Variants in FOXN3 observed in about 807,000 individuals in gnomAD.
FOXN3 encodes the protein forkhead box N3, also known as forkhead box protein N3.
A neutral mutation model predicts 38.4 loss-of-function variants in FOXN3; 7 were observed. That is an observed-to-expected ratio of 0.18 (90% CI 0.10 to 0.34). The LOEUF (loss-of-function observed/expected upper bound fraction) is 0.34, where lower values mean the gene tolerates loss of function less well. Among genes scored for constraint, FOXN3 ranks in the 10% least tolerant of loss-of-function variants. The probability of loss-of-function intolerance (pLI) is 1.00; values close to 1 mark genes in which losing one functional copy is unlikely to be tolerated. For synonymous variants in FOXN3, 230 were observed against 242.2 expected, an observed-to-expected ratio of 0.95 and a Z score of 0.47; for missense variants, 456 against 613.4, an observed-to-expected ratio of 0.74 and a Z score of 2.71.
intron 2 of FOXN3, among the ~76,000 whole-genome samples, chr14:89,392,637 C>CTTTT (rs71130072): frequency 1.3e-4 from 15 of 119,300 alleles, no homozygotes; most frequent in East Asian, 2.6e-4. Flanking sequence ...TGTGTCTCGT[C>CTTTT]TTTTTTTTTT....
intron 1 of FOXN3, among the ~76,000 whole-genome samples, chr14:89,539,873 C>G (rs1894762520): frequency 6.6e-6 from 1 of 152,110 alleles, no homozygotes; most frequent in Non-Finnish European, 1.5e-5. Flanking sequence ...GCTTGAAAAA[C>G]TAGACATAGG....
At chr14:89,207,240 A>C (rs1338031917) in intron 4 of FOXN3, among the ~76,000 whole-genome samples, 1 of 152,122 alleles carries the variant, frequency 6.6e-6, no homozygotes, top group Admixed American at 6.6e-5. Flanking sequence ...AAAATAAAGC[A>C]AAACAAAACA....
At chr14:89,181,581 T>A (rs1887676308) in intron 4 of FOXN3, among the ~76,000 whole-genome samples, 1 of 152,146 alleles carries the variant, frequency 6.6e-6, no homozygotes, top group Admixed American at 6.5e-5. Flanking sequence ...TCGCTCCTCA[T>A]CCCACCTTCT....
chr14:89,571,493 A>T (rs1330232408), intron 1 of FOXN3, among the ~76,000 whole-genome samples: 1 of 150,192 alleles, frequency 6.7e-6, no homozygotes, highest in East Asian at 2.0e-4. Flanking sequence ...TGGGCAGGAG[A>T]GTGAGACTCT....
intron 1 of FOXN3, among the ~76,000 whole-genome samples, chr14:89,550,935 A>C (rs1596314829): frequency 6.6e-6 from 1 of 152,214 alleles, no homozygotes; most frequent in East Asian, 1.9e-4. Context: ...CTCTGCAGAC[A>C]CGCAGGGAAG....
At chr14:89,328,480 G>T (rs1240744744) in intron 3 of FOXN3, among the ~76,000 whole-genome samples, 1 of 151,798 alleles carries the variant, frequency 6.6e-6, no homozygotes, top group Non-Finnish European at 1.5e-5. Flanking sequence ...TGGGTGAAGA[G>T]ACATTCCCAA....
intron 3 of FOXN3, among the ~76,000 whole-genome samples, chr14:89,322,038 C>T (rs1325344156): frequency 1.3e-5 from 2 of 152,214 alleles, no homozygotes; most frequent in Non-Finnish European, 2.9e-5. Context: ...CCTGATACTG[C>T]AACCCTCTTT....
chr14:89,180,925 G>GAGAC lies in FOXN3; in HGVS notation c.746-120_746-119insGTCT, dbSNP rs1211372787. On this transcript the variant is annotated intron_variant, in intron 4 of 5. Coordinates refer to ENST00000557258, the MANE Select transcript of FOXN3 (RefSeq NM_005197.4). Reference sequence around the variant, plus strand: ...GAGAGAGAGACAGAGGGCAGAGACAGAGAGAAACACACACACACACGTGCA... The same window carrying GAGAC: ...GAGAGAGAGACAGAGGGCAGAGACAGAGACAGAGAAACACACACACACACGTGCA... 32 of 495,416 alleles carry GAGAC rather than the reference G, an allele frequency of 6.5e-5. No individual in the cohort carries two copies. The South Asian group carries it at 7.2e-4, about 11-fold the overall frequency. The allele number at this position is 495,416 out of a possible 1,614,324, so 30.7% of individuals were successfully genotyped here.
At chr14:89,199,158 A>G (rs79000380) in intron 4 of FOXN3, among the ~76,000 whole-genome samples, 1 of 152,264 alleles carries the variant, frequency 6.6e-6, no homozygotes, top group African/African-American at 2.4e-5. Flanking sequence ...GCTGAAGGTT[A>G]TTGAGAAAGA....
At chr14:89,432,100 G>A (rs189926515) in intron 1 of FOXN3, among the ~76,000 whole-genome samples, 4 of 152,256 alleles carry the variant, frequency 2.6e-5, no homozygotes, top group Middle Eastern at 3.4e-3. Flanking sequence ...AAAGAACATC[G>A]CATTGCAGTC....
At chr14:89,177,404 CCT>C (rs1670750199) in intron 5 of FOXN3, among the ~76,000 whole-genome samples, 1 of 152,152 alleles carries the variant, frequency 6.6e-6, no homozygotes, top group South Asian at 2.1e-4. Context: ...GTTCAAAACT[CCT>C]ATGATGCTCA....
At position 89,416,965 on chromosome 14, in the gene FOXN3, G is replaced by A. The variant is rs1421168527; in HGVS notation, c.-109C>T. 4 of 149,008 alleles carry A rather than the reference G, an allele frequency of 2.7e-5. No homozygotes were observed. The highest frequency in any genetic ancestry group is 6.0e-5 in the Non-Finnish European group (4 of 66,996). 9.2% of individuals were successfully genotyped at this position (149,008 alleles called of 1,614,324 possible). ...GGCGCCCGGCGGGCATCGCTCGGTG[G>A]CCCCGCTAAGGACGCGCGGGCGCGG... On this transcript the variant is annotated 5_prime_UTR_variant, in exon 1 of 6. Coordinates refer to ENST00000557258, the MANE Select transcript of FOXN3 (RefSeq NM_005197.4).
chr14:89,180,971 GTCACACA>G (rs1887656962), intron 4 of FOXN3, among the ~76,000 whole-genome samples, 165 bp from the exon 5 acceptor site: 1 of 117,356 alleles, frequency 8.5e-6, no homozygotes, highest in Non-Finnish European at 1.9e-5. Flanking sequence ...CACACACACA[GTCACACA>G]GACATGCACA....
At chr14:89,529,271 T>C (rs1420966396) in intron 1 of FOXN3, among the ~76,000 whole-genome samples, 1 of 152,190 alleles carries the variant, frequency 6.6e-6, no homozygotes, top group Admixed American at 6.5e-5. Context: ...AAATGCATAA[T>C]ATTTTACCCC....
intron 1 of FOXN3, among the ~76,000 whole-genome samples, chr14:89,527,614 T>C (rs1419213213): frequency 6.6e-6 from 1 of 151,948 alleles, no homozygotes; most frequent in Admixed American, 6.6e-5. Context: ...AATAAGAACA[T>C]GAAAAGTTGC....
At chr14:89,306,970 T>C (rs1032302653) in intron 3 of FOXN3, among the ~76,000 whole-genome samples, 1 of 152,246 alleles carries the variant, frequency 6.6e-6, no homozygotes, top group African/African-American at 2.4e-5. Context: ...AGTTACTACA[T>C]GACCCTTCAT....
chr14:89,245,060 G>A (rs1469857283), intron 4 of FOXN3, among the ~76,000 whole-genome samples: 2 of 152,208 alleles, frequency 1.3e-5, no homozygotes, highest in African/African-American at 2.4e-5. Flanking sequence ...CACAGTGGGT[G>A]CTGCTGAATG....
At chr14:89,187,362 C>T (rs1018162326) in intron 4 of FOXN3, among the ~76,000 whole-genome samples, 2 of 152,222 alleles carry the variant, frequency 1.3e-5, no homozygotes, top group African/African-American at 4.8e-5. Context: ...TCCGAAGCCA[C>T]ACTCTCCACT....
intron 3 of FOXN3, among the ~76,000 whole-genome samples, chr14:89,303,864 G>A (rs1316939236): frequency 6.6e-6 from 1 of 152,168 alleles, no homozygotes; most frequent in Non-Finnish European, 1.5e-5. Flanking sequence ...TGGAGCCCAG[G>A]CAACCAAGCA....
Sources: gnomAD v4.1 joint callset for allele counts (sites outside exome capture counted in the v4.1 genomes callset) on GRCh38, gnomAD v4.1.1 for gene constraint, MANE v1.5 for transcripts, NCBI Gene and HGNC (gene_info 2026-07-23, HGNC 2026-07-21) for gene names.